MAGI1: variants seen among roughly 807,000 people sequenced by gnomAD.
MAGI1 encodes membrane associated guanylate kinase, WW and PDZ domain containing 1.
In MAGI1, 58 loss-of-function variants were observed where a neutral mutation model predicts 139.9. The ratio of observed to expected loss-of-function variants is 0.41; its 90% confidence interval spans 0.34 to 0.52. The LOEUF (loss-of-function observed/expected upper bound fraction) is 0.52. Ranked by LOEUF, MAGI1 falls within the 20% of genes least tolerant of loss-of-function variation. The pLI is 0.12. For missense variants in MAGI1, 1,874 were observed against 1,901.6 expected (o/e 0.99, Z 0.27); for synonymous variants, 812 against 737.9 (o/e 1.10, Z -1.63).
At chr3:65,473,057 C>T (rs1190767646) in intron 4 of MAGI1, among the ~76,000 whole-genome samples, 1 of 152,122 alleles carries the variant, frequency 6.6e-6, no homozygotes, top group Non-Finnish European at 1.5e-5. Context: ...ACAATCTCTA[C>T]TTCACGGGGT....
At chr3:65,787,556 A>C (rs936661175) in intron 1 of MAGI1, among the ~76,000 whole-genome samples, 2 of 149,414 alleles carry the variant, frequency 1.3e-5, no homozygotes, top group African/African-American at 5.0e-5. Flanking sequence ...CGTGTAACTG[A>C]GGGCTATACT....
intron 1 of MAGI1, among the ~76,000 whole-genome samples, chr3:65,628,465 C>T (rs1358516135): frequency 6.6e-6 from 1 of 152,126 alleles, no homozygotes; most frequent in Non-Finnish European, 1.5e-5. Context: ...AGGACACACA[C>T]ACATTCCCCA....
At chr3:65,597,925 T>TGGGGGGGGGGGGG in intron 2 of MAGI1, 2 of 394,348 alleles carry the variant, frequency 5.1e-6, no homozygotes, top group Non-Finnish European at 5.0e-6. Flanking sequence ...GAGGCGGGGG[T>TGGGGGGGGGGGGG]GGGGGGGGGG....
intron 1 of MAGI1, among the ~76,000 whole-genome samples, chr3:65,905,806 A>G (rs1360536942): frequency 6.6e-6 from 1 of 152,166 alleles, no homozygotes; most frequent in Non-Finnish European, 1.5e-5. Context: ...TGAGGACTGC[A>G]CTCTACTCAA....
Position 65,365,776 on chromosome 3 carries a change from A to G in MAGI1, c.3197-830T>C, listed in dbSNP as rs1209439945. Among the ~76,000 whole-genome samples the G allele has an allele frequency of 2.6e-5, 4 of 152,224 alleles. No homozygotes were observed. In the East Asian group the frequency reaches 7.7e-4, roughly 29 times the overall value. ...AAATCTAGAAGTTACCAGGAGACCT[A>G]TGGCTTATAGTAGGCACTTTCGTGT... On this transcript the variant is annotated intron_variant, in intron 18 of 22. Transcript: ENST00000402939.
At chr3:65,634,778 G>A (rs1244069177) in intron 1 of MAGI1, among the ~76,000 whole-genome samples, 1 of 152,164 alleles carries the variant, frequency 6.6e-6, no homozygotes, top group African/African-American at 2.4e-5. Flanking sequence ...AGGGAATGTT[G>A]ACTATGAACT....
intron 1 of MAGI1, among the ~76,000 whole-genome samples, chr3:65,930,945 T>G (rs2062779260): frequency 6.6e-6 from 1 of 152,174 alleles, no homozygotes; most frequent in Non-Finnish European, 1.5e-5. Context: ...TTGTTTAGCA[T>G]ATAATCAAGA....
intron 1 of MAGI1, among the ~76,000 whole-genome samples, chr3:65,848,666 C>T (rs143426564): frequency 6.6e-6 from 1 of 151,726 alleles, no homozygotes. Context: ...AGATGAAAAA[C>T]CTATAGCTTA....
chr3:65,746,780 T>C (rs914015925), intron 1 of MAGI1, among the ~76,000 whole-genome samples: 1 of 152,166 alleles, frequency 6.6e-6, no homozygotes, highest in African/African-American at 2.4e-5. Context: ...TTATATTACT[T>C]TGTACTGCTT....
intron 1 of MAGI1, among the ~76,000 whole-genome samples, chr3:65,669,250 G>C (rs2086708964): frequency 6.6e-6 from 1 of 152,052 alleles, no homozygotes; most frequent in African/African-American, 2.4e-5. Flanking sequence ...TTTAAGATTA[G>C]AAAACAAAAA....
intron 1 of MAGI1, among the ~76,000 whole-genome samples, chr3:65,923,895 G>A (rs1226331331): frequency 6.6e-6 from 1 of 152,184 alleles, no homozygotes; most frequent in African/African-American, 2.4e-5. Flanking sequence ...TGAAACTGTA[G>A]AGGATAAGCA....
At chr3:65,360,576 T>C (rs981515044) in intron 22 of MAGI1, 31 of 985,278 alleles carry the variant, frequency 3.1e-5, no homozygotes, top group Middle Eastern at 5.2e-4. Context: ...TGGGAATTTA[T>C]TTCATCCTTT....
intron 1 of MAGI1, among the ~76,000 whole-genome samples, chr3:65,772,303 C>A (rs1559867392): frequency 6.6e-6 from 1 of 152,232 alleles, no homozygotes; most frequent in Admixed American, 6.5e-5. Flanking sequence ...ACTTTATGAA[C>A]CTGTGTCTCC....
At chr3:65,985,549 C>T (rs953021202) in intron 1 of MAGI1, among the ~76,000 whole-genome samples, 1 of 152,170 alleles carries the variant, frequency 6.6e-6, no homozygotes, top group Non-Finnish European at 1.5e-5. Context: ...TGGAATTGAA[C>T]ATTTTTGAAA....
chr3:65,722,038 C>A (rs2033092972), intron 1 of MAGI1, among the ~76,000 whole-genome samples: 1 of 152,054 alleles, frequency 6.6e-6, no homozygotes. Context: ...CTGTTGCTGA[C>A]CTCCTTCCCT....
At chr3:65,852,823 C>T (rs951637822) in intron 1 of MAGI1, among the ~76,000 whole-genome samples, 3 of 151,914 alleles carry the variant, frequency 2.0e-5, no homozygotes, top group Non-Finnish European at 2.9e-5. Flanking sequence ...TTTAAGCAAT[C>T]GGCAAAGTAT....
Position 65,716,435 on chromosome 3 carries a change from C to G in MAGI1, c.314-94347G>C, listed in dbSNP as rs539257243. Among the ~76,000 whole-genome samples, 11 of 152,224 alleles carry G rather than the reference C, an allele frequency of 7.2e-5. No homozygotes were observed. In the South Asian group the frequency reaches 2.3e-3, roughly 32 times the overall value. ...GGATAGATTTATCAGTCACTTACCT[C>G]GATGTGCAGTGCACAAAAATGAGGG... is the stretch of plus-strand genomic sequence containing the variant. On this transcript the variant is annotated intron_variant, in intron 1 of 22. Transcript: ENST00000402939.
At chr3:65,425,388 G>A (rs1219154893) in intron 12 of MAGI1, among the ~76,000 whole-genome samples, 1 of 152,074 alleles carries the variant, frequency 6.6e-6, no homozygotes, top group Non-Finnish European at 1.5e-5. Flanking sequence ...TAGAGCAGAA[G>A]CCAGGATTTA....
chr3:66,017,377 C>A (rs80100627), intron 1 of MAGI1, among the ~76,000 whole-genome samples: 3,987 of 152,348 alleles, frequency 0.026, 76 homozygotes, highest in Non-Finnish European at 0.042. Flanking sequence ...TCCCTCCCAA[C>A]GGAGGGTGCA....
Sources: allele counts gnomAD v4.1 joint callset (sites outside exome capture counted in the v4.1 genomes callset), GRCh38; gene constraint gnomAD v4.1.1; transcripts MANE v1.5; gene names NCBI Gene and HGNC (gene_info 2026-07-23, HGNC 2026-07-21).